Variants in FOSL1 observed in about 807,000 individuals in gnomAD.
FOSL1 encodes FOS like 1, AP-1 transcription factor subunit.
FOSL1 carries 14 observed loss-of-function variants against 24.9 expected under a neutral mutation model. That is an observed-to-expected ratio of 0.56 (90% CI 0.37 to 0.88). FOSL1 has a LOEUF of 0.88. FOSL1 is among the 40% of genes least tolerant of loss of function. FOSL1 has a pLI of 0.00. For missense variants in FOSL1, 318 were observed against 359.8 expected, an observed-to-expected ratio of 0.88 and a Z score of 0.94; for synonymous variants, 133 against 145.1, an observed-to-expected ratio of 0.92 and a Z score of 0.60.
In FOSL1 at chr11:65,892,790, T is replaced by C; in HGVS notation, c.*96A>G. On this transcript the variant is annotated 3_prime_UTR_variant, in exon 4 of 4. Coordinates refer to ENST00000312562, the MANE Select transcript of FOSL1 (RefSeq NM_005438.5). ...GGGATGGAGAAGAAGTTGCTGGAGT[T>C]GGATGTGGGATACTGTCCAGGCCAG... The C allele has an allele frequency of 5.0e-6, 6 of 1,198,048 alleles. No individual in the cohort carries two copies. Among genetic ancestry groups the C allele is most frequent in the Non-Finnish European group, 7.2e-6 (6 of 835,370 alleles). 74.2% of individuals were successfully genotyped at this position (1,198,048 alleles called of 1,614,324 possible).
At chr11:65,896,751 T>C (rs1860535154) in intron 2 of FOSL1, 58 bp downstream of exon 2, 1 of 1,409,758 alleles carries the variant, frequency 7.1e-7, no homozygotes. Flanking sequence ...CAGGAGCTTC[T>C]CTGCACCCTA....
At chr11:65,895,151 T>C (rs1591086923) in intron 2 of FOSL1, among the ~76,000 whole-genome samples, 1 of 127,634 alleles carries the variant, frequency 7.8e-6, no homozygotes, top group Non-Finnish European at 1.6e-5. Context: ...TGAGACGGAG[T>C]CTCACTCTGT....
Position 65,896,714 on chromosome 11 carries a change from C to T in FOSL1, c.297+95G>A, listed in dbSNP as rs1441433100. ...AGTCACCTGTAGCCTACCTTACCCCCTCCTAAGCCTGTGCTCTCCTTTCTG... is the reference window on the plus strand; with the variant it reads ...AGTCACCTGTAGCCTACCTTACCCCTTCCTAAGCCTGTGCTCTCCTTTCTG... On this transcript the variant is annotated intron_variant, in intron 2 of 3. Coordinates refer to ENST00000312562, the MANE Select transcript of FOSL1 (RefSeq NM_005438.5). 1.1e-5 allele frequency: 12 copies of T among 1,086,490 alleles called. No homozygotes were observed. The Admixed American group carries it at 2.3e-4, about 21-fold the overall frequency. 67.3% of individuals were successfully genotyped at this position (1,086,490 alleles called of 1,614,324 possible).
intron 1 of FOSL1, among the ~76,000 whole-genome samples, chr11:65,897,387 T>G (rs1591089141): frequency 6.6e-6 from 1 of 151,634 alleles, no homozygotes; most frequent in East Asian, 1.9e-4. Flanking sequence ...TTGCCCAGGC[T>G]GGAGTGTAGT....
chr11:65,897,029 C>T (rs778837901), intron 1 of FOSL1, 23 bp from the exon 2 acceptor site: 2 of 1,592,914 alleles, frequency 1.3e-6, no homozygotes, highest in Admixed American at 1.7e-5. Flanking sequence ...AAATGGAAGG[C>T]CACAGATGAG....
intron 1 of FOSL1, 90 bp downstream of exon 1, chr11:65,900,151 C>G (rs897601487): frequency 3.2e-6 from 2 of 629,012 alleles, no homozygotes; most frequent in Non-Finnish European, 4.6e-6. Flanking sequence ...GACTCCGGTT[C>G]CCCGCTCCAG....
At chr11:65,899,972 A>G (rs964401720) in intron 1 of FOSL1, among the ~76,000 whole-genome samples, 1 of 152,204 alleles carries the variant, frequency 6.6e-6, no homozygotes, top group Non-Finnish European at 1.5e-5. Context: ...GGTGGGCAGG[A>G]GGAGAGAAAG....
chr11:65,892,795 G>T lies in FOSL1; in HGVS notation c.*91C>A. 1 of 1,255,336 alleles carries T rather than the reference G, an allele frequency of 8.0e-7. No homozygotes were observed. Among genetic ancestry groups the T allele is most frequent in the Non-Finnish European group, 1.1e-6 (1 of 885,238 alleles). The allele number at this position is 1,255,336 out of a possible 1,614,324, so 77.8% of individuals were successfully genotyped here. A position where few individuals can be genotyped will look rare whatever the true frequency, so the allele number is the denominator to read the frequency against. Reference sequence around the variant, plus strand: ...GGAGAAGAAGTTGCTGGAGTTGGATGTGGGATACTGTCCAGGCCAGCTGGA... The same window carrying T: ...GGAGAAGAAGTTGCTGGAGTTGGATTTGGGATACTGTCCAGGCCAGCTGGA... On this transcript the variant is annotated 3_prime_UTR_variant, in exon 4 of 4. Transcript: ENST00000312562.
At chr11:65,898,945 A>T (rs1860597717) in intron 1 of FOSL1, among the ~76,000 whole-genome samples, 1 of 144,548 alleles carries the variant, frequency 6.9e-6, no homozygotes, top group African/African-American at 2.7e-5. Flanking sequence ...TGGGCAACAG[A>T]GGGAGACCCT....
chr11:65,896,722 C>G, intron 2 of FOSL1, 87 bp downstream of exon 2: 1 of 1,158,434 alleles, frequency 8.6e-7, no homozygotes, highest in East Asian at 2.4e-5. Context: ...CCCTCCTAAG[C>G]CTGTGCTCTC....
chr11:65,896,926 C>A lies in FOSL1; in HGVS notation c.180G>T (p.Gly60=). 2 of 1,614,046 alleles carry A rather than the reference C, an allele frequency of 1.2e-6. No individual in the cohort carries two copies. Among genetic ancestry groups the A allele is most frequent in the Non-Finnish European group, 8.5e-7 (1 of 1,179,918 alleles). The change falls in exon 2 of 4, where the codon GGG becomes GGT. Residue 60 remains glycine (G), a synonymous_variant. Coordinates refer to ENST00000312562, the MANE Select transcript of FOSL1 (RefSeq NM_005438.5). ...TCAGAGGCCTGGGGTAACTGCTGGG[C>A]CCCAGGAAATGAGGCTGTACCATCC... The part of the protein sequence containing the change: ...LQWMVQPHFL[G]PSSYPRPLTY...
At chr11:65,896,528 C>A (rs2134799572) in intron 2 of FOSL1, among the ~76,000 whole-genome samples, 2 of 152,264 alleles carry the variant, frequency 1.3e-5, no homozygotes, top group East Asian at 3.9e-4. Context: ...GCCACCCCCG[C>A]TACCTGGAAT....
Position 65,900,361 on chromosome 11 carries a change from G to A in FOSL1, c.-22C>T. On this transcript the variant is annotated 5_prime_UTR_variant, in exon 1 of 4. Transcript: ENST00000312562. ...ACATGCCCGGGGCTGGCGGCTCTGC[G>A]GGGTACACGGCTGCTGGGTTCTGAC... is the stretch of plus-strand genomic sequence containing the variant. 6.4e-5 allele frequency: 76 copies of A among 1,193,884 alleles called. No homozygotes were observed. The highest frequency in any genetic ancestry group is 7.9e-5 in the Non-Finnish European group (75 of 950,768). The allele number at this position is 1,193,884 out of a possible 1,614,324, so 74.0% of individuals were successfully genotyped here.
At chr11:65,895,718 C>T (rs906314766) in intron 2 of FOSL1, among the ~76,000 whole-genome samples, 9 of 150,952 alleles carry the variant, frequency 6.0e-5, no homozygotes, top group African/African-American at 1.7e-4. Context: ...TCCCTCCTCA[C>T]CACAAAGGCC....
chr11:65,897,325 T>C (rs1860552781), intron 1 of FOSL1, among the ~76,000 whole-genome samples: 1 of 151,596 alleles, frequency 6.6e-6, no homozygotes, highest in Admixed American at 6.7e-5. Flanking sequence ...TATCTTCATT[T>C]TCTTTTCTTT....
At chr11:65,898,584 T>C (rs934071967) in intron 1 of FOSL1, among the ~76,000 whole-genome samples, 2 of 152,198 alleles carry the variant, frequency 1.3e-5, no homozygotes, top group African/African-American at 4.8e-5. Flanking sequence ...TCATTTTTAA[T>C]ATTGTTACAG....
At chr11:65,894,188 T>G in intron 2 of FOSL1, 67 bp from the exon 3 acceptor site, 2 of 1,173,330 alleles carry the variant, frequency 1.7e-6, no homozygotes. Context: ...CCCCTCATGG[T>G]GGCCCAGTGG....
At chr11:65,900,424 G>T, upstream of FOSL1, 1 of 792,398 alleles carries the variant, frequency 1.3e-6, no homozygotes, top group South Asian at 6.5e-5. Context: ...TTTTATGAAT[G>T]AAAAGTTCTC....
chr11:65,897,425 C>A (rs1019234843), intron 1 of FOSL1, among the ~76,000 whole-genome samples: 1 of 151,248 alleles, frequency 6.6e-6, no homozygotes, highest in Non-Finnish European at 1.5e-5. Flanking sequence ...CTGCAACCTG[C>A]GCCTCCCAGG....
Sources: allele counts gnomAD v4.1 joint callset (sites outside exome capture counted in the v4.1 genomes callset), GRCh38; gene constraint gnomAD v4.1.1; transcripts MANE v1.5; gene names NCBI Gene and HGNC (gene_info 2026-07-23, HGNC 2026-07-21).